The following ERI1 variants were observed in gnomAD, a reference collection of about 807,000 sequenced individuals.
ERI1 encodes the protein 3'-5' exoribonuclease 1.
Under a neutral mutation model 39.7 loss-of-function variants are expected in ERI1, and 39 were observed. The ratio of observed to expected loss-of-function variants is 0.98; its 90% CI spans 0.76 to 1.28. The LOEUF (loss-of-function observed/expected upper bound fraction) is 1.28. Among genes scored for constraint, ERI1 ranks in the 50% most tolerant of loss-of-function variants. The probability of loss-of-function intolerance (pLI) is 0.00; values close to 1 mark genes in which losing one functional copy is unlikely to be tolerated. For synonymous variants in ERI1, 204 were observed against 149.6 expected, an observed-to-expected ratio of 1.36 and a Z score of -2.65; for missense variants, 581 against 416.9, an observed-to-expected ratio of 1.39 and a Z score of -3.43.
At chr8:9,036,944 A>T (rs774522369), downstream of ERI1, among the ~76,000 whole-genome samples, 215 of 152,304 alleles carry the variant, frequency 1.4e-3, 3 homozygotes, top group Non-Finnish European at 1.3e-3. Flanking sequence ...CATGAAACTC[A>T]TAGTCCCTCC....
chr8:9,018,262 C>T (rs1817511010), intron 4 of ERI1, 35 bp from the exon 5 acceptor site: 1 of 1,322,306 alleles, frequency 7.6e-7, no homozygotes, highest in Non-Finnish European at 1.1e-6. Context: ...AAGCTGCAGC[C>T]CTGATTTTTG....
chr8:9,058,824 A>C (rs1051647817), intron 3 of ERI1, among the ~76,000 whole-genome samples: 2 of 148,960 alleles, frequency 1.3e-5, no homozygotes, highest in African/African-American at 4.9e-5. Flanking sequence ...ATAAATAAAT[A>C]AACAGCAACT....
chr8:9,065,629 A>G (rs1028504252), intron 3 of ERI1, among the ~76,000 whole-genome samples: 28 of 143,606 alleles, frequency 1.9e-4, no homozygotes, highest in Non-Finnish European at 3.4e-4. Flanking sequence ...CGGGAGGCGG[A>G]GCTTGCAGTG....
chr8:9,071,516 G>A (rs1056391213), intron 3 of ERI1, among the ~76,000 whole-genome samples: 28 of 152,134 alleles, frequency 1.8e-4, no homozygotes, highest in African/African-American at 6.8e-4. Flanking sequence ...TCCTAATTAC[G>A]AAAAGAAATA....
chr8:9,054,833 C>A (rs1156906983), intron 3 of ERI1, among the ~76,000 whole-genome samples: 1 of 152,238 alleles, frequency 6.6e-6, no homozygotes, highest in African/African-American at 2.4e-5. Context: ...GAGGCTGAGA[C>A]AGGAGACTCG....
At chr8:9,006,818 G>T (rs1816069697) in intron 1 of ERI1, among the ~76,000 whole-genome samples, 1 of 152,116 alleles carries the variant, frequency 6.6e-6, no homozygotes, top group African/African-American at 2.4e-5. Context: ...ACCTTACCTA[G>T]CATTACATTT....
intron 3 of ERI1, among the ~76,000 whole-genome samples, chr8:9,075,375 A>G (rs1799176780): frequency 1.3e-5 from 2 of 152,186 alleles, no homozygotes; most frequent in Non-Finnish European, 2.9e-5. Context: ...GGGTTTGGAG[A>G]CTGATGAGAG....
chr8:9,020,319 C>T (rs371168133), intron 5 of ERI1, 31 bp from the exon 6 acceptor site: 4 of 1,244,166 alleles, frequency 3.2e-6, no homozygotes, highest in Middle Eastern at 3.9e-4. Flanking sequence ...GCGTTTATTT[C>T]ATCAATTTTT....
intron 4 of ERI1, among the ~76,000 whole-genome samples, chr8:9,017,361 T>C (rs1817416285): frequency 6.6e-6 from 1 of 152,220 alleles, no homozygotes; most frequent in African/African-American, 2.4e-5. Context: ...TTTAGGTCTC[T>C]GATTTTTTAT....
At chr8:9,077,444 C>T (rs1799242568) in intron 3 of ERI1, among the ~76,000 whole-genome samples, 1 of 152,074 alleles carries the variant, frequency 6.6e-6, no homozygotes, top group Non-Finnish European at 1.5e-5. Flanking sequence ...TGCCTATGTG[C>T]ACAGGAGCCG....
chr8:9,034,554 G>T (rs986428378), downstream of ERI1, among the ~76,000 whole-genome samples: 23 of 152,062 alleles, frequency 1.5e-4, no homozygotes, highest in African/African-American at 5.3e-4. Flanking sequence ...TATCATGGTG[G>T]TTTTGGGGCA....
chr8:9,083,547 C>T (rs780708842), intron 3 of ERI1, among the ~76,000 whole-genome samples: 1 of 151,540 alleles, frequency 6.6e-6, no homozygotes, highest in Non-Finnish European at 1.5e-5. Context: ...TAGCAATCAT[C>T]AACTCATAAT....
intron 5 of ERI1, among the ~76,000 whole-genome samples, chr8:9,019,675 A>G (rs568900276): frequency 2.0e-3 from 310 of 152,370 alleles, no homozygotes; most frequent in African/African-American, 7.3e-3. Context: ...TCCTGGGGAC[A>G]TACACTTATT....
chr8:9,046,173 G>T (rs887057880), intron 3 of ERI1, among the ~76,000 whole-genome samples: 3 of 152,228 alleles, frequency 2.0e-5, no homozygotes, highest in Non-Finnish European at 1.5e-5. Context: ...CATCGCCATT[G>T]GTCTTGCTGA....
intron 3 of ERI1, among the ~76,000 whole-genome samples, chr8:9,083,957 C>A (rs112263644): frequency 8.5e-5 from 13 of 152,234 alleles, no homozygotes; most frequent in Middle Eastern, 6.8e-3. Flanking sequence ...CCATGCCCGG[C>A]TAATTTTTTG....
chr8:9,009,113 C>G, intron 2 of ERI1: 1 of 455,920 alleles, frequency 2.2e-6, no homozygotes, highest in Admixed American at 2.4e-5. Context: ...TTACTCCTGG[C>G]TTGCGTGGGA....
At chr8:9,054,502 A>T (rs188619770) in intron 3 of ERI1, among the ~76,000 whole-genome samples, 4 of 152,366 alleles carry the variant, frequency 2.6e-5, no homozygotes, top group African/African-American at 9.6e-5. Context: ...AAAGACAGGA[A>T]AAAAGCACAA....
chr8:9,027,868 G>A (rs1208658329), intron 6 of ERI1, among the ~76,000 whole-genome samples: 1 of 152,084 alleles, frequency 6.6e-6, no homozygotes, highest in Non-Finnish European at 1.5e-5. Flanking sequence ...GTTAATGCTT[G>A]TGTTAACATT....
chr8:9,004,176 A>T, intron 1 of ERI1: 4 of 1,288,670 alleles, frequency 3.1e-6, no homozygotes, highest in South Asian at 1.2e-5. Flanking sequence ...GATCCTTGCA[A>T]TTATCTTTCT....
Sources: gnomAD v4.1 joint callset for allele counts (sites outside exome capture counted in the v4.1 genomes callset) on GRCh38, gnomAD v4.1.1 for gene constraint, MANE v1.5 for transcripts, NCBI Gene and HGNC (gene_info 2026-07-23, HGNC 2026-07-21) for gene names.